FBXL7: variants seen among roughly 807,000 people sequenced by gnomAD.
The protein encoded by FBXL7 is F-box/LRR-repeat protein 7.
Under a neutral mutation model 38.3 loss-of-function variants are expected in FBXL7, and 12 were observed. The observed-to-expected ratio is 0.31, with a 90% CI of 0.20 to 0.51. The LOEUF (loss-of-function observed/expected upper bound fraction) is 0.51. Ranked by LOEUF, FBXL7 falls within the 20% of genes least tolerant of loss-of-function variation. FBXL7 has a pLI of 0.98. For missense variants in FBXL7, 567 were observed against 676.4 expected (o/e 0.84, Z 1.79); for synonymous variants, 297 against 300.9 (o/e 0.99, Z 0.13).
chr5:15,773,263 G>A (rs892438405), intron 2 of FBXL7, among the ~76,000 whole-genome samples: 2 of 152,248 alleles, frequency 1.3e-5, no homozygotes, highest in Non-Finnish European at 2.9e-5. Context: ...CCCAGTTAAT[G>A]TTTTTTAAGT....
intron 1 of FBXL7, among the ~76,000 whole-genome samples, chr5:15,593,865 C>G (rs549878276): frequency 1.2e-4 from 18 of 152,080 alleles, no homozygotes; most frequent in Non-Finnish European, 2.1e-4. Context: ...GGGCACTATC[C>G]AATGAAATTT....
intron 2 of FBXL7, among the ~76,000 whole-genome samples, chr5:15,704,783 G>A (rs903118813): frequency 6.6e-6 from 1 of 152,132 alleles, no homozygotes; most frequent in Non-Finnish European, 1.5e-5. Flanking sequence ...TGCATGAAAT[G>A]TGGTATAAGT....
chr5:15,614,251 G>GTTCTTTTCTT (rs373461403), intron 1 of FBXL7, among the ~76,000 whole-genome samples: 21 of 141,458 alleles, frequency 1.5e-4, no homozygotes, highest in African/African-American at 5.7e-4. Flanking sequence ...AATAGCTTGC[G>GTTCTTTTCTT]TTCTTTTCTT....
intron 2 of FBXL7, among the ~76,000 whole-genome samples, chr5:15,769,252 C>G (rs1365862645): frequency 6.6e-6 from 1 of 152,142 alleles, no homozygotes; most frequent in African/African-American, 2.4e-5. Context: ...TAAATAATGC[C>G]ATATCAATGT....
At chr5:15,679,016 GA>G (rs1413483748) in intron 2 of FBXL7, among the ~76,000 whole-genome samples, 1 of 152,146 alleles carries the variant, frequency 6.6e-6, no homozygotes, top group Non-Finnish European at 1.5e-5. Flanking sequence ...AACAAAATTG[GA>G]GCAGAGGAGG....
Position 15,928,285 on chromosome 5 carries a change from C to T in FBXL7, c.523C>T (p.Arg175Cys), listed in dbSNP as rs1330246214. The T allele has an allele frequency of 2.5e-6, 4 of 1,613,042 alleles. No homozygotes were observed. Among genetic ancestry groups the T allele is most frequent in the Non-Finnish European group, 3.4e-6 (4 of 1,179,488 alleles). ...NVDRALKVLT[R>C]RLCQDTPNVC... ...GGACCGCGCCCTCAAGGTGCTGACC[C>T]GCAGACTCTGCCAGGACACCCCCAA... Residue 175 changes from arginine (R) to cysteine (C), a missense_variant, in exon 3 of 4, where the codon CGC becomes TGC. Transcript: ENST00000504595. This position sits in a 1 kb window ranked among gnomAD's most constrained non-coding sequence, Gnocchi z 4.0.
chr5:15,773,426 T>C (rs1258623706), intron 2 of FBXL7, among the ~76,000 whole-genome samples: 1 of 152,080 alleles, frequency 6.6e-6, no homozygotes, highest in East Asian at 1.9e-4. Flanking sequence ...GGAGGGTTGC[T>C]TTAGCCTAGG....
intron 2 of FBXL7, among the ~76,000 whole-genome samples, chr5:15,926,845 G>A (rs919860103): frequency 1.3e-5 from 2 of 150,856 alleles, no homozygotes; most frequent in African/African-American, 4.8e-5. Context: ...GTTTTCAACA[G>A]AAACGGGAGC....
chr5:15,914,865 C>A (rs967903170), intron 2 of FBXL7, among the ~76,000 whole-genome samples: 2 of 152,192 alleles, frequency 1.3e-5, no homozygotes, highest in Admixed American at 6.5e-5. Flanking sequence ...ATCTCCTGGC[C>A]TCGAAGTGCT....
intron 2 of FBXL7, among the ~76,000 whole-genome samples, chr5:15,855,829 A>G (rs187087121): frequency 1.2e-4 from 19 of 152,312 alleles, no homozygotes; most frequent in South Asian, 2.1e-4. Context: ...TTTTACAACT[A>G]AGGAAATAAG....
At chr5:15,856,384 C>T (rs1347229994) in intron 2 of FBXL7, among the ~76,000 whole-genome samples, 1 of 151,904 alleles carries the variant, frequency 6.6e-6, no homozygotes, top group African/African-American at 2.4e-5. Context: ...AAAGCACATT[C>T]TGGGGCCTAT....
At chr5:15,546,056 T>A (rs1737883522) in intron 1 of FBXL7, among the ~76,000 whole-genome samples, 1 of 152,270 alleles carries the variant, frequency 6.6e-6, no homozygotes, top group South Asian at 2.1e-4. Context: ...TTATCTTGAT[T>A]ACATATTAAA....
chr5:15,569,992 C>G (rs905398722), intron 1 of FBXL7, among the ~76,000 whole-genome samples: 3 of 152,074 alleles, frequency 2.0e-5, no homozygotes, highest in African/African-American at 7.2e-5. Flanking sequence ...TTCGGTTTGC[C>G]AGTATTTTAT....
At chr5:15,914,363 G>T (rs1278609095) in intron 2 of FBXL7, among the ~76,000 whole-genome samples, 1 of 148,156 alleles carries the variant, frequency 6.7e-6, no homozygotes, top group African/African-American at 2.5e-5. Flanking sequence ...TCCAGCCTGG[G>T]CGACAGAGCA....
At chr5:15,568,528 A>G (rs1297922130) in intron 1 of FBXL7, among the ~76,000 whole-genome samples, 2 of 151,514 alleles carry the variant, frequency 1.3e-5, no homozygotes, top group African/African-American at 4.8e-5. Context: ...ATTTTCTCCC[A>G]TTTTGTAGGT....
intron 2 of FBXL7, among the ~76,000 whole-genome samples, chr5:15,822,451 T>C (rs1738196551): frequency 6.6e-6 from 1 of 152,142 alleles, no homozygotes; most frequent in Non-Finnish European, 1.5e-5. Context: ...CAGGGCAGCT[T>C]GACCAGCCTT....
At chr5:15,616,431 A>T (rs1005574184) in intron 2 of FBXL7, among the ~76,000 whole-genome samples, 1 of 152,200 alleles carries the variant, frequency 6.6e-6, no homozygotes, top group Admixed American at 6.5e-5. Context: ...TTCCTGGAGG[A>T]ACTTTCAAAA....
intron 2 of FBXL7, among the ~76,000 whole-genome samples, chr5:15,660,089 C>T (rs1439773198): frequency 4.6e-5 from 7 of 152,180 alleles, no homozygotes; most frequent in African/African-American, 1.7e-4. Context: ...CTTTATTTTT[C>T]CTGCTTTAAC....
intron 1 of FBXL7, chr5:15,501,849 TC>T: frequency 1.8e-6 from 1 of 562,160 alleles, no homozygotes; most frequent in Non-Finnish European, 2.2e-6. Flanking sequence ...TGTTTTGACT[TC>T]CATATGTGCA....
Sources: allele counts gnomAD v4.1 joint callset (sites outside exome capture counted in the v4.1 genomes callset), GRCh38; gene constraint gnomAD v4.1.1; non-coding constraint Gnocchi (gnomAD v3.1); transcripts MANE v1.5; gene names NCBI Gene and HGNC (gene_info 2026-07-23, HGNC 2026-07-21).